BDH1: variants seen among roughly 807,000 people sequenced by gnomAD.
BDH1 encodes the protein 3-hydroxybutyrate dehydrogenase 1.
A neutral mutation model predicts 33.1 loss-of-function variants in BDH1; 30 were observed. The observed-to-expected ratio is 0.91, with a 90% confidence interval of 0.68 to 1.23. The LOEUF (loss-of-function observed/expected upper bound fraction) is 1.23, where lower values mean the gene tolerates loss of function less well. BDH1 is among the 50% of genes most tolerant of loss of function. The pLI is 0.00. For synonymous variants in BDH1, 190 were observed against 183.6 expected (o/e 1.03, Z -0.28); for missense variants, 443 against 464.4 (o/e 0.95, Z 0.42).
At position 197,514,296 on chromosome 3, in the gene BDH1, T is replaced by A. The variant is rs769274637; in HGVS notation, c.530A>T (p.Lys177Ile). ...VNLWGTVRMT[K>I]SFLPLIRRAK... Reference sequence around the variant, plus strand: ...CCTTCGGATGAGGGGGAGAAAGGATTTCGTCATCCGCACTGTGCCCCAAAG... The same window carrying A: ...CCTTCGGATGAGGGGGAGAAAGGATATCGTCATCCGCACTGTGCCCCAAAG... Residue 177 changes from lysine to isoleucine, a missense_variant, in exon 7 of 8, where the codon AAA becomes ATA. Lys to Ile is a moderately radical substitution (Grantham distance 102). Transcript: ENST00000392379. This position sits in a 1 kb window ranked among gnomAD's most constrained non-coding sequence, Gnocchi z 4.2. 1.2e-6 allele frequency: 2 copies of A among 1,613,776 alleles called. No individual in the cohort carries two copies.
intron 3 of BDH1, chr3:197,538,956 CAGAA>C: frequency 6.6e-6 from 1 of 152,426 alleles, no homozygotes; most frequent in East Asian, 1.9e-4. Context: ...TGTTGCTCTG[CAGAA>C]AGAATGAGAA....
intron 1 of BDH1, among the ~76,000 whole-genome samples, chr3:197,569,726 A>T (rs1307083876): frequency 6.6e-6 from 1 of 152,128 alleles, no homozygotes; most frequent in Admixed American, 6.5e-5. Flanking sequence ...TTCTGCCATG[A>T]TTGTGAGGCC....
intron 3 of BDH1, among the ~76,000 whole-genome samples, chr3:197,541,848 C>T (rs954882483): frequency 3.3e-5 from 5 of 152,202 alleles, no homozygotes; most frequent in East Asian, 1.9e-4. Flanking sequence ...CTTTGAGCCC[C>T]TTGAATGCCA....
intron 3 of BDH1, among the ~76,000 whole-genome samples, chr3:197,544,739 T>C (rs1715935037): frequency 6.6e-6 from 1 of 152,156 alleles, no homozygotes; most frequent in African/African-American, 2.4e-5. Context: ...CCTCTGTATC[T>C]CTCAGAAATA....
chr3:197,517,518 C>CA (rs1290844516), intron 6 of BDH1, among the ~76,000 whole-genome samples: 6 of 41,888 alleles, frequency 1.4e-4, no homozygotes, highest in African/African-American at 4.4e-4. Context: ...CCGACCCCCC[C>CA]ATCAGTCACT....
At chr3:197,563,393 A>G (rs889611239) in intron 1 of BDH1, among the ~76,000 whole-genome samples, 1 of 152,208 alleles carries the variant, frequency 6.6e-6, no homozygotes, top group Non-Finnish European at 1.5e-5. Flanking sequence ...TCCTTAAACA[A>G]CAATTTCCTA....
intron 5 of BDH1, among the ~76,000 whole-genome samples, chr3:197,524,508 C>G (rs555007920): frequency 2.6e-5 from 4 of 152,288 alleles, no homozygotes; most frequent in Non-Finnish European, 4.4e-5. Flanking sequence ...AAGGGACTGC[C>G]CAATGGGGCC....
In BDH1 at chr3:197,512,295, G is replaced by A. The variant is rs1234527978; in HGVS notation, c.632C>T (p.Thr211Ile). The part of the protein sequence containing the change: ...ANPARSPYCI[T>I]KFGVEAFSDC... ...CGAGAAAGCCTCTACCCCGAACTTG[G>A]TGATGCAGTACGGGGAGCGGGCCGG... The change falls in exon 8 of 8, where the codon ACC becomes ATC. Residue 211 changes from threonine to isoleucine, a missense_variant. Thr to Ile is a moderately conservative substitution (Grantham distance 89). Coordinates refer to ENST00000392379, the MANE Select transcript of BDH1 (RefSeq NM_203314.3). 6.2e-7 allele frequency: 1 copy of A among 1,612,506 alleles called. No individual in the cohort carries two copies. The highest frequency in any genetic ancestry group is 8.5e-7 in the Non-Finnish European group (1 of 1,180,004).
rs190220073 is a variant in BDH1, at chr3:197,553,083, A to G, written c.-44+1479T>C. ...CAAGCATGCACCGCCATGCCTGGCTAATTTTTGTATTTTTAGTAGAGACGG... is the reference window on the plus strand; with the variant it reads ...CAAGCATGCACCGCCATGCCTGGCTGATTTTTGTATTTTTAGTAGAGACGG... On this transcript the variant is annotated intron_variant, in intron 2 of 7. Coordinates refer to ENST00000392379, the MANE Select transcript of BDH1 (RefSeq NM_203314.3). 4.6e-3 allele frequency among the ~76,000 whole-genome samples: 704 copies of G among 152,134 alleles called. 3 individuals are homozygous for G. Among genetic ancestry groups the G allele is most frequent in the Non-Finnish European group, 8.0e-3 (547 of 67,990 alleles).
chr3:197,515,823 G>C, intron 6 of BDH1: 1 of 665,018 alleles, frequency 1.5e-6, no homozygotes, highest in Non-Finnish European at 1.9e-6. Context: ...AAAATCTCTT[G>C]AACCCAGGAG....
intron 1 of BDH1, among the ~76,000 whole-genome samples, chr3:197,568,427 T>C (rs1717504273): frequency 6.6e-6 from 1 of 152,118 alleles, no homozygotes; most frequent in Non-Finnish European, 1.5e-5. Flanking sequence ...GAAGCTGTGG[T>C]GCTCAGAATC....
rs1212380309 is a variant in BDH1, at chr3:197,526,633, C to T, written c.268-3852G>A. On this transcript the variant is annotated intron_variant, in intron 5 of 7. Transcript: ENST00000392379. The surrounding 1 kb of genome is among the most constrained non-coding windows in gnomAD (Gnocchi z 4.7). ...GGGCCACATGGATCCTCCCAGCCAG[C>T]TCACTGGATGGTTACCCTTAAGGTG... is the stretch of plus-strand genomic sequence containing the variant. Among the ~76,000 whole-genome samples, 1 of 152,214 alleles carries T rather than the reference C, an allele frequency of 6.6e-6. No individual in the cohort carries two copies. Among genetic ancestry groups the T allele is most frequent in the Non-Finnish European group, 1.5e-5 (1 of 68,042 alleles).
chr3:197,552,978 T>A (rs1261175420), intron 2 of BDH1, among the ~76,000 whole-genome samples: 1 of 151,992 alleles, frequency 6.6e-6, no homozygotes, highest in Non-Finnish European at 1.5e-5. Context: ...AGTGCAGGGG[T>A]GCAATCTTGG....
At chr3:197,535,568 T>TGCCC (rs1430683025) in intron 3 of BDH1, among the ~76,000 whole-genome samples, 1 of 152,222 alleles carries the variant, frequency 6.6e-6, no homozygotes, top group African/African-American at 2.4e-5. Flanking sequence ...GAATTTTCAA[T>TGCCC]GCCCAATGTA....
intron 7 of BDH1, 69 bp from the exon 8 acceptor site, chr3:197,512,433 A>G: frequency 6.7e-7 from 1 of 1,496,142 alleles, no homozygotes; most frequent in South Asian, 1.3e-5. Context: ...GAAGTCTGGC[A>G]TGTCTCTAGA....
chr3:197,563,126 A>G (rs1012856021), intron 1 of BDH1, among the ~76,000 whole-genome samples: 1 of 152,196 alleles, frequency 6.6e-6, no homozygotes, highest in East Asian at 1.9e-4. Context: ...GTATGTGTGT[A>G]TGTGTGTATG....
intron 2 of BDH1, among the ~76,000 whole-genome samples, chr3:197,547,759 C>T (rs747274257): frequency 6.6e-6 from 1 of 152,226 alleles, no homozygotes; most frequent in Non-Finnish European, 1.5e-5. Context: ...CTGGGCCACC[C>T]TCCTCTTTGC....
intron 3 of BDH1, among the ~76,000 whole-genome samples, chr3:197,537,092 A>G (rs1454947061): frequency 6.6e-6 from 1 of 152,064 alleles, no homozygotes; most frequent in African/African-American, 2.4e-5. Context: ...ACACTCAAGC[A>G]ATCTTTCCAC....
Position 197,555,813 on chromosome 3 carries a change from G to A in BDH1, c.-228C>T, listed in dbSNP as rs1187385183. On this transcript the variant is annotated 5_prime_UTR_variant, in exon 1 of 8. Transcript: ENST00000392379. The stretch of plus-strand genomic sequence containing the variant: ...CAAATGGGCAGGGGGCTCCGCTGCA[G>A]AGGGCTCGCCGAGGCTCTCGCCTTC... The A allele has an allele frequency of 2.6e-5, 4 of 152,304 alleles. No individual in the cohort carries two copies. Among genetic ancestry groups the A allele is most frequent in the Non-Finnish European group, 5.9e-5 (4 of 68,096 alleles). 9.4% of individuals were successfully genotyped at this position (152,304 alleles called of 1,614,324 possible). A position where few individuals can be genotyped will look rare whatever the true frequency, so the allele number is the denominator to read the frequency against.
Sources: allele counts gnomAD v4.1 joint callset (sites outside exome capture counted in the v4.1 genomes callset), GRCh38; gene constraint gnomAD v4.1.1; non-coding constraint Gnocchi (gnomAD v3.1); transcripts MANE v1.5; gene names NCBI Gene and HGNC (gene_info 2026-07-23, HGNC 2026-07-21).